NUDCD3: variants seen among roughly 807,000 people sequenced by gnomAD.
NUDCD3 encodes nudC domain-containing protein 3.
A neutral mutation model predicts 39.7 loss-of-function variants in NUDCD3; 13 were observed. The ratio of observed to expected loss-of-function variants is 0.33; its 90% CI spans 0.21 to 0.52. The LOEUF is 0.52. Ranked by LOEUF, NUDCD3 falls within the 20% of genes least tolerant of loss-of-function variation. NUDCD3 has a pLI of 0.96. For synonymous variants in NUDCD3, 175 were observed against 172.4 expected (o/e 1.02, Z -0.12); for missense variants, 453 against 458.1 (o/e 0.99, Z 0.10).
chr7:44,423,957 T>A (rs1799189411), intron 3 of NUDCD3, among the ~76,000 whole-genome samples: 1 of 151,880 alleles, frequency 6.6e-6, no homozygotes. Context: ...TATAAACCAA[T>A]GGAACAGAAC....
chr7:44,452,069 T>G (rs773043775), intron 2 of NUDCD3, among the ~76,000 whole-genome samples: 13 of 152,096 alleles, frequency 8.5e-5, no homozygotes, highest in Non-Finnish European at 1.9e-4. Context: ...GATTCAAAAC[T>G]AAATACAAAC....
chr7:44,477,313 G>T (rs1800392847), intron 2 of NUDCD3, among the ~76,000 whole-genome samples: 1 of 152,172 alleles, frequency 6.6e-6, no homozygotes, highest in Admixed American at 6.5e-5. Flanking sequence ...AGGACAAAAA[G>T]ATAACCAGTC....
intron 2 of NUDCD3, among the ~76,000 whole-genome samples, chr7:44,444,404 G>A (rs1799651157): frequency 6.6e-6 from 1 of 152,110 alleles, no homozygotes; most frequent in African/African-American, 2.4e-5. Context: ...GGGGAAGGTG[G>A]ATGTAAAGAA....
intron 2 of NUDCD3, among the ~76,000 whole-genome samples, chr7:44,458,936 C>CTGTGTGTGTGTGTGTGTGTGTGTG (rs55947411): frequency 1.7e-5 from 2 of 116,148 alleles, no homozygotes; most frequent in South Asian, 6.5e-4. Context: ...ACGGGGAGTG[C>CTGTGTGTGTGTGTGTGTGTGTGTG]TGTGTGTGTG....
chr7:44,472,750 G>A (rs1800279538), intron 2 of NUDCD3, among the ~76,000 whole-genome samples: 1 of 152,180 alleles, frequency 6.6e-6, no homozygotes, highest in South Asian at 2.1e-4. Flanking sequence ...TATTTCAAAA[G>A]TGAACGACAT....
At chr7:44,388,757 C>A (rs944066950) in intron 5 of NUDCD3, among the ~76,000 whole-genome samples, 13 of 152,214 alleles carry the variant, frequency 8.5e-5, no homozygotes, top group Admixed American at 1.3e-4. Flanking sequence ...TGGGACCTAC[C>A]CCCGCGCCAC....
At chr7:44,414,668 T>C (rs551430991) in intron 3 of NUDCD3, among the ~76,000 whole-genome samples, 1 of 152,338 alleles carries the variant, frequency 6.6e-6, no homozygotes, top group South Asian at 2.1e-4. Flanking sequence ...CTTTTGAACA[T>C]ATAAATGTGT....
At chr7:44,426,524 C>T (rs367972432) in intron 3 of NUDCD3, among the ~76,000 whole-genome samples, 8 of 152,224 alleles carry the variant, frequency 5.3e-5, no homozygotes, top group African/African-American at 1.9e-4. Flanking sequence ...AGGCCGGGCG[C>T]GGTGGCTCAC....
intron 2 of NUDCD3, among the ~76,000 whole-genome samples, chr7:44,466,520 G>T (rs1443423863): frequency 1.3e-5 from 2 of 152,216 alleles, no homozygotes; most frequent in Non-Finnish European, 2.9e-5. Context: ...AATCTGTGAA[G>T]TGCTCATCCT....
chr7:44,484,986 T>C lies in NUDCD3; in HGVS notation c.491A>G (p.Glu164Gly). ...AVAGAAEVPR[E>G]PPILPRIQEQ... The stretch of plus-strand genomic sequence containing the variant: ...TTCCCACCTGGGAAGAATTGGTGGT[T>C]CCCTAGGGACTTCAGCAGCACCAGC... Residue 164 changes from glutamate (E) to glycine (G), a missense_variant, in exon 2 of 6, where the codon GAA (glutamate) becomes GGA (glycine). By Grantham distance (98) the Glu-to-Gly change is moderately conservative (BLOSUM62 -2). Transcript: ENST00000355451. 1 of 1,610,776 alleles carries C rather than the reference T, an allele frequency of 6.2e-7. No homozygotes were observed. The highest frequency in any genetic ancestry group is 8.5e-7 in the Non-Finnish European group (1 of 1,178,028).
At chr7:44,450,601 G>C (rs1012676412) in intron 2 of NUDCD3, among the ~76,000 whole-genome samples, 7 of 151,872 alleles carry the variant, frequency 4.6e-5, no homozygotes, top group African/African-American at 1.5e-4. Context: ...AGACCAGCCT[G>C]GGCAAAATAG....
chr7:44,453,993 T>C (rs896239553), intron 2 of NUDCD3, among the ~76,000 whole-genome samples: 2 of 152,086 alleles, frequency 1.3e-5, no homozygotes, highest in Middle Eastern at 6.8e-3. Flanking sequence ...CAGTGAGCTG[T>C]GGTTGTGCCA....
chr7:44,477,548 T>C (rs1448845752), intron 2 of NUDCD3, among the ~76,000 whole-genome samples: 1 of 152,194 alleles, frequency 6.6e-6, no homozygotes, highest in Non-Finnish European at 1.5e-5. Flanking sequence ...GAGCCTGAAC[T>C]GCAGGTGCTA....
intron 2 of NUDCD3, among the ~76,000 whole-genome samples, chr7:44,475,717 A>G (rs307016): frequency 0.67 from 101,202 of 151,820 alleles, 34,564 homozygotes; most frequent in African/African-American, 0.82. Flanking sequence ...CTACAATTGC[A>G]CCGTGCTCCA....
chr7:44,404,559 A>G lies in NUDCD3; in HGVS notation c.667T>C (p.Ser223Pro). The part of the protein sequence containing the change: ...KQVSVALSSS[S>P]IRVAMLEENG... ...TCCTCCAGCATGGCCACACGAATGG[A>G]GCTGCTGCTAAGGGCCACTGAGACC... Residue 223 changes from serine to proline, a missense_variant, in exon 4 of 6, where the codon TCC (serine) becomes CCC (proline). Physicochemically the swap from Ser to Pro is moderately conservative, Grantham distance 74. Coordinates refer to ENST00000355451, the MANE Select transcript of NUDCD3 (RefSeq NM_015332.4). The G allele has an allele frequency of 6.2e-7, 1 of 1,613,936 alleles. No individual in the cohort carries two copies. The highest frequency in any genetic ancestry group is 8.5e-7 in the Non-Finnish European group (1 of 1,179,998).
At position 44,392,247 on chromosome 7, in the gene NUDCD3, C is replaced by T. The variant is rs772002266; in HGVS notation, c.975+50G>A. 5.1e-6 allele frequency: 8 copies of T among 1,556,186 alleles called. No individual in the cohort carries two copies. The South Asian group carries it at 8.2e-5, about 16-fold the overall frequency. On this transcript the variant is annotated intron_variant, in intron 5 of 5. Coordinates refer to ENST00000355451, the MANE Select transcript of NUDCD3 (RefSeq NM_015332.4). ...CCCTCTGCCACTATCGGCCTTGTCA[C>T]CAGCACAAGGGCCTAAAGGGTGGAC...
chr7:44,406,187 G>A (rs944576798), intron 3 of NUDCD3, among the ~76,000 whole-genome samples: 1 of 152,218 alleles, frequency 6.6e-6, no homozygotes, highest in Non-Finnish European at 1.5e-5. Flanking sequence ...GGGACACAGC[G>A]AAGATATTCT....
intron 2 of NUDCD3, among the ~76,000 whole-genome samples, chr7:44,441,499 T>C (rs1420699441): frequency 3.9e-5 from 6 of 152,160 alleles, no homozygotes; most frequent in Non-Finnish European, 8.8e-5. Context: ...GCCTGGAGTA[T>C]GGAAGCATCA....
At position 44,427,635 on chromosome 7, in the gene NUDCD3, G is replaced by A. The variant is rs1208761561; in HGVS notation, c.578C>T (p.Ser193Leu). 1 of 1,614,030 alleles carries A rather than the reference G, an allele frequency of 6.2e-7. No individual in the cohort carries two copies. The highest frequency in any genetic ancestry group is 1.7e-5 in the Admixed American group (1 of 60,012). ...GACCTCCAGGTCAGTATAGTCCTGT[G>A]ACCAGGTGTAGTTCTCTCGGACAGC... ...NGAVRENYTW[S>L]QDYTDLEVRV... The change falls in exon 3 of 6, where the codon TCA becomes TTA. Residue 193 changes from serine to leucine, a missense_variant. Coordinates refer to ENST00000355451, the MANE Select transcript of NUDCD3 (RefSeq NM_015332.4).
Sources: allele counts gnomAD v4.1 joint callset (sites outside exome capture counted in the v4.1 genomes callset), GRCh38; gene constraint gnomAD v4.1.1; transcripts MANE v1.5; gene names NCBI Gene and HGNC (gene_info 2026-07-23, HGNC 2026-07-21).